Variants in NRF1 observed in about 807,000 individuals in gnomAD.
NRF1 encodes nuclear respiratory factor 1.
In NRF1, 5 loss-of-function variants were observed where a neutral mutation model predicts 58.5. That is an observed-to-expected ratio of 0.09 (90% CI 0.04 to 0.18). The LOEUF is 0.18. Ranked by LOEUF, NRF1 falls within the 10% of genes least tolerant of loss-of-function variation. The pLI is 1.00. For synonymous variants in NRF1, 224 were observed against 246.7 expected, an observed-to-expected ratio of 0.91 and a Z score of 0.86; for missense variants, 288 against 657.7, an observed-to-expected ratio of 0.44 and a Z score of 6.15.
At chr7:129,668,545 C>G (rs1801972805) in intron 2 of NRF1, among the ~76,000 whole-genome samples, 2 of 152,130 alleles carry the variant, frequency 1.3e-5, no homozygotes, top group East Asian at 3.8e-4. Context: ...TCAATCAAAT[C>G]AAGCAGCTTT....
intron 2 of NRF1, among the ~76,000 whole-genome samples, chr7:129,663,185 C>G (rs775136032): frequency 6.6e-6 from 1 of 152,134 alleles, no homozygotes; most frequent in Non-Finnish European, 1.5e-5. Flanking sequence ...AATCTGACCT[C>G]TCTTCCTTTT....
chr7:129,624,691 T>C (rs1035440245), intron 1 of NRF1, among the ~76,000 whole-genome samples: 1 of 152,126 alleles, frequency 6.6e-6, no homozygotes, highest in African/African-American at 2.4e-5. Flanking sequence ...ATTATTATTA[T>C]TATTTTTTGG....
chr7:129,685,459 G>A (rs1802422473), intron 4 of NRF1, among the ~76,000 whole-genome samples: 1 of 151,632 alleles, frequency 6.6e-6, no homozygotes, highest in South Asian at 2.1e-4. Context: ...TCCATCTCTG[G>A]TAATTATAAA....
chr7:129,617,375 C>A (rs1800680813), intron 1 of NRF1, among the ~76,000 whole-genome samples: 2 of 152,010 alleles, frequency 1.3e-5, no homozygotes, highest in South Asian at 4.2e-4. Flanking sequence ...AGGAAATGTC[C>A]CAATGAAACA....
Position 129,689,697 on chromosome 7 carries a change from G to A in NRF1, c.466-709G>A, listed in dbSNP as rs376764961. On this transcript the variant is annotated intron_variant, in intron 4 of 10. Coordinates refer to ENST00000393232, the MANE Select transcript of NRF1 (RefSeq NM_005011.5). Reference sequence around the variant, plus strand: ...TGGCAGTAGTGGGAATGCAGACAACGAACAACAATATCTGGTTCCAACCTG... The same window carrying A: ...TGGCAGTAGTGGGAATGCAGACAACAAACAACAATATCTGGTTCCAACCTG... Among the ~76,000 whole-genome samples the A allele has an allele frequency of 9.2e-5, 14 of 152,174 alleles. No homozygotes were observed. In the East Asian group the frequency reaches 1.2e-3, roughly 13 times the overall value.
intron 1 of NRF1, among the ~76,000 whole-genome samples, chr7:129,647,101 G>A (rs1395807736): frequency 2.0e-5 from 3 of 152,006 alleles, no homozygotes; most frequent in South Asian, 4.1e-4. Context: ...GCAGTGGCGC[G>A]ATCTTGGCTC....
At chr7:129,626,776 T>G (rs1800929233) in intron 1 of NRF1, among the ~76,000 whole-genome samples, 1 of 152,206 alleles carries the variant, frequency 6.6e-6, no homozygotes, top group African/African-American at 2.4e-5. Flanking sequence ...GATCAGGAAA[T>G]CAGGTACTCC....
intron 10 of NRF1, among the ~76,000 whole-genome samples, chr7:129,734,029 GA>G (rs939880705): frequency 6.8e-5 from 10 of 146,416 alleles, no homozygotes; most frequent in South Asian, 2.2e-4. Flanking sequence ...TTTCAAAAAA[GA>G]AAAAAAAAAG....
intron 3 of NRF1, among the ~76,000 whole-genome samples, chr7:129,672,332 C>T (rs1802066725): frequency 6.6e-6 from 1 of 151,676 alleles, no homozygotes; most frequent in Non-Finnish European, 1.5e-5. Context: ...GTCACTTCAC[C>T]CAGCCTAGGA....
Position 129,677,767 on chromosome 7 carries a change from G to A in NRF1, c.465+9G>A. 1 of 1,613,122 alleles carries A rather than the reference G, an allele frequency of 6.2e-7. No individual in the cohort carries two copies. The highest frequency in any genetic ancestry group is 2.2e-5 in the East Asian group (1 of 44,864). ...CACCTTTGGAGAATGTGGTAAGTCA[G>A]AACCAAGCTGTTCTCATTTGCCCTT... is the stretch of plus-strand genomic sequence containing the variant. On this transcript the variant is annotated intron_variant, in intron 4 of 10. Transcript: ENST00000393232.
chr7:129,711,229 A>G (rs1436551298), intron 7 of NRF1, among the ~76,000 whole-genome samples: 1 of 152,236 alleles, frequency 6.6e-6, no homozygotes, highest in East Asian at 1.9e-4. Flanking sequence ...GTTGACCAAC[A>G]CTGGGCATGG....
Position 129,710,366 on chromosome 7 carries a change from G to T in NRF1, c.766-8G>T. On this transcript the variant is annotated splice_region_variant and splice_polypyrimidine_tract_variant and intron_variant, in intron 6 of 10. Transcript: ENST00000393232. The stretch of plus-strand genomic sequence containing the variant: ...GCTTAATGTGCTTTTCCGGTCATTT[G>T]GTGACAGGTTTCATGGACCCAGGCA... 1 of 1,613,878 alleles carries T rather than the reference G, an allele frequency of 6.2e-7. No homozygotes were observed. The highest frequency in any genetic ancestry group is 1.3e-5 in the African/African-American group (1 of 75,022).
chr7:129,706,811 G>A (rs922956907), intron 5 of NRF1, among the ~76,000 whole-genome samples: 1 of 152,160 alleles, frequency 6.6e-6, no homozygotes, highest in Non-Finnish European at 1.5e-5. Flanking sequence ...AGGGTGAGGC[G>A]TCAGAAGTGA....
At chr7:129,754,970 G>T in intron 10 of NRF1, 48 bp from the exon 11 acceptor site, 1 of 1,494,774 alleles carries the variant, frequency 6.7e-7, no homozygotes, top group East Asian at 2.6e-5. Flanking sequence ...CCAGCATCTG[G>T]GAACTTGAGC....
At chr7:129,691,623 G>A (rs1562971978) in intron 5 of NRF1, among the ~76,000 whole-genome samples, 1 of 151,966 alleles carries the variant, frequency 6.6e-6, no homozygotes, top group Non-Finnish European at 1.5e-5. Context: ...CCAAAGTGCT[G>A]GGATTACAGG....
intron 9 of NRF1, among the ~76,000 whole-genome samples, chr7:129,722,075 C>A (rs763784711): frequency 5.9e-5 from 9 of 152,130 alleles, no homozygotes; most frequent in Non-Finnish European, 1.3e-4. Context: ...CCTTTTTAAT[C>A]CCTATTCACC....
chr7:129,702,838 TCTGAAAGACC>T (rs1802862008), intron 5 of NRF1, among the ~76,000 whole-genome samples: 1 of 152,140 alleles, frequency 6.6e-6, no homozygotes, highest in Non-Finnish European at 1.5e-5. Context: ...GATATGTTGG[TCTGAAAGACC>T]TTTTCTTGGT....
chr7:129,697,977 C>T (rs1045802593), intron 5 of NRF1, among the ~76,000 whole-genome samples: 2 of 152,108 alleles, frequency 1.3e-5, no homozygotes, highest in Non-Finnish European at 2.9e-5. Flanking sequence ...GGCAATCTGC[C>T]GGTCTTGGCC....
intron 1 of NRF1, among the ~76,000 whole-genome samples, chr7:129,639,561 T>G (rs1584597766): frequency 1.8e-5 from 2 of 111,096 alleles, no homozygotes; most frequent in Non-Finnish European, 3.8e-5. Context: ...TTTTTTTTTT[T>G]GCGAGATGGA....
Sources: allele counts gnomAD v4.1 joint callset (sites outside exome capture counted in the v4.1 genomes callset), GRCh38; gene constraint gnomAD v4.1.1; transcripts MANE v1.5; gene names NCBI Gene and HGNC (gene_info 2026-07-23, HGNC 2026-07-21).